The following TTC6 variants were observed in gnomAD, a reference collection of about 807,000 sequenced individuals.
The protein encoded by TTC6 is tetratricopeptide repeat domain 6.
Under a neutral mutation model 210.4 loss-of-function variants are expected in TTC6, and 172 were observed. That is an observed-to-expected ratio of 0.82 (90% confidence interval 0.72 to 0.93). The LOEUF is 0.93. Ranked by LOEUF, TTC6 falls within the 40% of genes least tolerant of loss-of-function variation. TTC6 has a pLI of 0.00. For synonymous variants in TTC6, 804 were observed against 819.6 expected, an observed-to-expected ratio of 0.98 and a Z score of 0.32; for missense variants, 2,414 against 2,318.1, an observed-to-expected ratio of 1.04 and a Z score of -0.85.
intron 29 of TTC6, among the ~76,000 whole-genome samples, chr14:37,832,372 T>C (rs1486311112): frequency 2.0e-5 from 3 of 149,360 alleles, no homozygotes; most frequent in Non-Finnish European, 4.4e-5. Context: ...TGGGCTTGGC[T>C]AGTTCTTGCT....
At chr14:37,776,799 C>A (rs922046855) in intron 14 of TTC6, among the ~76,000 whole-genome samples, 1 of 148,588 alleles carries the variant, frequency 6.7e-6, no homozygotes, top group Admixed American at 6.7e-5. Context: ...GCAGGAGAAT[C>A]ACTTAAATCT....
chr14:37,726,944 TA>T (rs1371032141), intron 7 of TTC6, among the ~76,000 whole-genome samples: 1 of 152,046 alleles, frequency 6.6e-6, no homozygotes, highest in Non-Finnish European at 1.5e-5. Flanking sequence ...GTGTTTCTGA[TA>T]TTTTTTTCTT....
At chr14:37,789,418 G>A (rs2096074410) in intron 15 of TTC6, among the ~76,000 whole-genome samples, 1 of 151,652 alleles carries the variant, frequency 6.6e-6, no homozygotes, top group African/African-American at 2.4e-5. Flanking sequence ...ACTGTGAACT[G>A]AGCAGTTAGA....
At chr14:37,777,042 T>G (rs1431084727) in intron 14 of TTC6, among the ~76,000 whole-genome samples, 1 of 152,200 alleles carries the variant, frequency 6.6e-6, no homozygotes, top group Non-Finnish European at 1.5e-5. Context: ...TTTCTGTCAT[T>G]TAGACCTTGG....
chr14:37,631,782 C>A (rs1214208492), intron 1 of TTC6, among the ~76,000 whole-genome samples: 1 of 152,132 alleles, frequency 6.6e-6, no homozygotes, highest in East Asian at 1.9e-4. Context: ...TTCACATAGT[C>A]CCGTATTTCT....
chr14:37,775,676 T>C lies in TTC6; in HGVS notation c.3267-11792T>C, dbSNP rs1376865143. ...AGGTTCAATTCCTGAATATCTTTGT[T>C]AGTTTTCTGCCTCAATGACTTGTTA... On this transcript the variant is annotated intron_variant, in intron 14 of 30. Coordinates refer to ENST00000553443, the Ensembl canonical transcript of TTC6. Among the ~76,000 whole-genome samples the C allele has an allele frequency of 1.5e-4, 23 of 152,192 alleles. 1 individual carries two copies. Among genetic ancestry groups the C allele is most frequent in the Admixed American group, 1.4e-3 (22 of 15,276 alleles).
At chr14:37,827,417 T>C in intron 29 of TTC6, 51 bp downstream of exon 31, 1 of 1,549,570 alleles carries the variant, frequency 6.5e-7, no homozygotes, top group South Asian at 1.2e-5. Flanking sequence ...ATGCTTTCTT[T>C]ATTATATATA....
intron 1 of TTC6, among the ~76,000 whole-genome samples, chr14:37,647,729 A>G (rs1384007821): frequency 6.6e-6 from 1 of 152,098 alleles, no homozygotes; most frequent in Non-Finnish European, 1.5e-5. Context: ...TGGTATTTGA[A>G]TTCATGAAAC....
At chr14:37,809,524 T>G (rs1038288506) in intron 24 of TTC6, among the ~76,000 whole-genome samples, 4 of 152,186 alleles carry the variant, frequency 2.6e-5, no homozygotes, top group Non-Finnish European at 4.4e-5. Context: ...AGTGCAGAAT[T>G]TTTAAAGCAG....
chr14:37,836,961 A>G (rs1310270228), intron 29 of TTC6, among the ~76,000 whole-genome samples: 1 of 152,222 alleles, frequency 6.6e-6, no homozygotes, highest in Non-Finnish European at 1.5e-5. Flanking sequence ...TGCATACATT[A>G]TGAACTACAG....
At chr14:37,749,554 A>C (rs2095945717) in intron 11 of TTC6, among the ~76,000 whole-genome samples, 153 bp downstream of exon 13, 1 of 152,214 alleles carries the variant, frequency 6.6e-6, no homozygotes, top group African/African-American at 2.4e-5. Context: ...TCAAGTAATT[A>C]ATATTAAAAA....
chr14:37,646,245 G>T (rs1354629821), intron 1 of TTC6, among the ~76,000 whole-genome samples: 2 of 152,182 alleles, frequency 1.3e-5, no homozygotes, highest in Non-Finnish European at 2.9e-5. Flanking sequence ...CTTTTGAAAT[G>T]GAGAAAATGA....
chr14:37,606,249 G>T (rs1358277358), intron 1 of TTC6, among the ~76,000 whole-genome samples: 1 of 152,124 alleles, frequency 6.6e-6, no homozygotes, highest in Non-Finnish European at 1.5e-5. Context: ...TTTGGTAGGG[G>T]ACTCTGGGGG....
At chr14:37,714,869 T>C in intron 6 of TTC6, 73 bp downstream of exon 8, 1 of 1,399,760 alleles carries the variant, frequency 7.1e-7, no homozygotes, top group South Asian at 1.4e-5. Context: ...AGGAGACTTT[T>C]TTCACTCTTA....
intron 1 of TTC6, among the ~76,000 whole-genome samples, chr14:37,643,461 C>T (rs964118986): frequency 6.6e-6 from 1 of 152,074 alleles, no homozygotes; most frequent in African/African-American, 2.4e-5. Context: ...TCCCAAAAGC[C>T]AGGAGGAAGA....
intron 6 of TTC6, among the ~76,000 whole-genome samples, chr14:37,715,668 T>A (rs1410338349): frequency 1.3e-5 from 2 of 152,142 alleles, no homozygotes; most frequent in Admixed American, 1.3e-4. Context: ...TGAGAAGTGA[T>A]GGAGGCCAGA....
intron 1 of TTC6, among the ~76,000 whole-genome samples, chr14:37,656,510 TGTGC>T (rs1227487899): frequency 1.4e-4 from 11 of 78,110 alleles, no homozygotes; most frequent in Non-Finnish European, 1.6e-4. Flanking sequence ...GGTGTGTGTG[TGTGC>T]GTGTGTGTGT....
At chr14:37,642,008 G>T (rs1231559105) in intron 1 of TTC6, among the ~76,000 whole-genome samples, 1 of 152,214 alleles carries the variant, frequency 6.6e-6, no homozygotes, top group Non-Finnish European at 1.5e-5. Context: ...CATACATGCA[G>T]ATGGCACTTT....
At chr14:37,841,198 A>C (rs372582246) in intron 29 of TTC6, among the ~76,000 whole-genome samples, 4 of 152,248 alleles carry the variant, frequency 2.6e-5, no homozygotes, top group African/African-American at 7.2e-5. Flanking sequence ...AGCCAACAGG[A>C]GTATTATATC....
Sources: allele counts gnomAD v4.1 joint callset (sites outside exome capture counted in the v4.1 genomes callset), GRCh38; gene constraint gnomAD v4.1.1; transcripts MANE v1.5; gene names NCBI Gene and HGNC (gene_info 2026-07-23, HGNC 2026-07-21).